Variants in ANK3 observed in about 807,000 individuals in gnomAD.
The protein encoded by ANK3 is ankyrin 3.
Under a neutral mutation model 370.9 loss-of-function variants are expected in ANK3, and 57 were observed. The observed-to-expected ratio is 0.15, with a 90% CI of 0.12 to 0.19. ANK3 has a LOEUF of 0.19. ANK3 is among the 10% of genes least tolerant of loss of function. The pLI, the probability that ANK3 is intolerant of heterozygous loss-of-function variation, is 1.00. For missense variants in ANK3, 4,439 were observed against 5,302.1 expected (o/e 0.84, Z 5.06); for synonymous variants, 1,929 against 1,946.3 (o/e 0.99, Z 0.23).
chr10:60,208,453 T>C (rs961463442), intron 9 of ANK3, among the ~76,000 whole-genome samples: 5 of 152,244 alleles, frequency 3.3e-5, no homozygotes, highest in African/African-American at 9.6e-5. Flanking sequence ...AAGGATAATG[T>C]CTTTTCCCAA....
At chr10:60,444,315 A>G (rs1411897013) in intron 2 of ANK3, among the ~76,000 whole-genome samples, 1 of 151,898 alleles carries the variant, frequency 6.6e-6, no homozygotes, top group East Asian at 1.9e-4. Flanking sequence ...CCAAGCTTGT[A>G]CATTTGAACT....
At chr10:60,687,535 A>ACACACACAC (rs1554809512) in intron 1 of ANK3, among the ~76,000 whole-genome samples, 3 of 150,698 alleles carry the variant, frequency 2.0e-5, no homozygotes, top group Non-Finnish European at 4.4e-5. Context: ...TATAAAAAAA[A>ACACACACAC]ACACACACAC....
At chr10:60,143,720 C>A (rs2094677576) in intron 23 of ANK3, among the ~76,000 whole-genome samples, 1 of 152,144 alleles carries the variant, frequency 6.6e-6, no homozygotes, top group South Asian at 2.1e-4. Context: ...GCATAGTACC[C>A]CTAAATTGAA....
At chr10:60,446,105 G>A (rs759922687) in intron 2 of ANK3, among the ~76,000 whole-genome samples, 11 of 152,152 alleles carry the variant, frequency 7.2e-5, no homozygotes, top group South Asian at 2.1e-4. Flanking sequence ...GCCTTGATGC[G>A]TTGATGCCGG....
chr10:60,669,349 G>T (rs2079037806), intron 1 of ANK3, among the ~76,000 whole-genome samples: 1 of 152,094 alleles, frequency 6.6e-6, no homozygotes, highest in Admixed American at 6.5e-5. Flanking sequence ...CCCATTTTAT[G>T]GGATCCATTC....
At chr10:60,193,146 G>T (rs2096524359) in intron 16 of ANK3, among the ~76,000 whole-genome samples, 1 of 152,198 alleles carries the variant, frequency 6.6e-6, no homozygotes, top group Non-Finnish European at 1.5e-5. Context: ...GTATGGAAAT[G>T]AGAATCAATG....
At chr10:60,242,567 G>A (rs1168132054) in intron 7 of ANK3, among the ~76,000 whole-genome samples, 1 of 152,088 alleles carries the variant, frequency 6.6e-6, no homozygotes, top group Admixed American at 6.6e-5. Context: ...CATTTCATCA[G>A]GAATGAGAAG....
At chr10:60,378,040 TG>T (rs1260813947) in intron 1 of ANK3, among the ~76,000 whole-genome samples, 2 of 152,220 alleles carry the variant, frequency 1.3e-5, no homozygotes, top group African/African-American at 2.4e-5. Context: ...TAGTAGTTTT[TG>T]CCAAGCCCCC....
chr10:60,272,046 A>G lies in ANK3; in HGVS notation c.415-1817T>C, dbSNP rs79638461. Among the ~76,000 whole-genome samples the G allele has an allele frequency of 1.7e-3, 259 of 151,408 alleles. 5 individuals are homozygous for G. In the East Asian group the frequency reaches 0.047, roughly 27 times the overall value. On this transcript the variant is annotated intron_variant, in intron 4 of 43. Transcript: ENST00000280772. The stretch of plus-strand genomic sequence containing the variant: ...CTGTTTTATCATGAAACATTCTACC[A>G]CATTTAAACATGAAGCATGGAGTAC...
intron 28 of ANK3, among the ~76,000 whole-genome samples, chr10:60,088,613 C>A (rs1482242184): frequency 3.9e-5 from 6 of 152,094 alleles, no homozygotes; most frequent in Admixed American, 3.9e-4. Context: ...TCAGTAGAGA[C>A]AGGGTTTCTC....
intron 28 of ANK3, among the ~76,000 whole-genome samples, chr10:60,089,253 G>C (rs998609383): frequency 1.3e-5 from 2 of 152,120 alleles, no homozygotes; most frequent in African/African-American, 4.8e-5. Flanking sequence ...CCTAACTCTA[G>C]GAAGGGTTTA....
intron 18 of ANK3, among the ~76,000 whole-genome samples, chr10:60,180,614 C>CAA (rs1565505994): frequency 2.1e-3 from 161 of 75,072 alleles, no homozygotes; most frequent in African/African-American, 5.5e-3. Context: ...AAAAAAAAAA[C>CAA]CAAAAAAAAA....
intron 42 of ANK3, among the ~76,000 whole-genome samples, chr10:60,048,537 T>C (rs977871367): frequency 2.0e-5 from 3 of 152,222 alleles, no homozygotes; most frequent in Admixed American, 1.3e-4. Context: ...GTCCCAGATA[T>C]AAAATGGTGC....
chr10:60,528,029 G>A (rs1450280459), intron 2 of ANK3, among the ~76,000 whole-genome samples: 1 of 151,804 alleles, frequency 6.6e-6, no homozygotes, highest in African/African-American at 2.4e-5. Context: ...TCACCAAGAT[G>A]GGATACATGC....
At chr10:60,033,514 CAAAA>C (rs537623584) in intron 43 of ANK3, among the ~76,000 whole-genome samples, 2 of 50,658 alleles carry the variant, frequency 3.9e-5, no homozygotes, top group African/African-American at 1.4e-4. Context: ...GACTCAGTCT[CAAAA>C]AAAAAAAAAA....
At chr10:60,526,649 A>G (rs1414191346) in intron 2 of ANK3, among the ~76,000 whole-genome samples, 4 of 152,156 alleles carry the variant, frequency 2.6e-5, no homozygotes, top group Non-Finnish European at 5.9e-5. Context: ...AGCTTTTCCC[A>G]GTGCCAAATT....
Position 60,072,517 on chromosome 10 carries a change from T to G in ANK3, c.8364A>C (p.Lys2788Asn). ...TGCTTTGGGCATGCTCATCTTTGGT[T>G]TTTAATACCATAAAATCTTTTTGCA... Reference protein sequence around the residue: ...VSVQKDFMVLKTKDEHAQSNE... With the variant: ...VSVQKDFMVLNTKDEHAQSNE... Residue 2788 changes from lysine to asparagine, a missense_variant, in exon 37 of 44, where the codon AAA (lysine) becomes AAC (asparagine). Physicochemically the swap from Lys to Asn is moderately conservative, Grantham distance 94. Transcript: ENST00000280772. 2 of 1,613,782 alleles carry G rather than the reference T, an allele frequency of 1.2e-6. No homozygotes were observed. Among genetic ancestry groups the G allele is most frequent in the Non-Finnish European group, 1.7e-6 (2 of 1,179,962 alleles).
chr10:60,423,118 T>A (rs181564987), intron 2 of ANK3, among the ~76,000 whole-genome samples: 1 of 152,074 alleles, frequency 6.6e-6, no homozygotes, highest in East Asian at 1.9e-4. Flanking sequence ...AAAAGACCCA[T>A]AAGGAAGTAG....
chr10:60,615,617 T>C (rs989780506), intron 1 of ANK3, among the ~76,000 whole-genome samples: 3 of 152,094 alleles, frequency 2.0e-5, no homozygotes, highest in Non-Finnish European at 4.4e-5. Context: ...CGCATGAAAA[T>C]GCTGGCATCA....
Sources: allele counts gnomAD v4.1 joint callset (sites outside exome capture counted in the v4.1 genomes callset), GRCh38; gene constraint gnomAD v4.1.1; transcripts MANE v1.5; gene names NCBI Gene and HGNC (gene_info 2026-07-23, HGNC 2026-07-21).